MTUS1: variants seen among roughly 807,000 people sequenced by gnomAD.
The protein encoded by MTUS1 is microtubule-associated tumor suppressor 1.
MTUS1 carries 109 observed loss-of-function variants against 120.8 expected under a neutral mutation model. That is an observed-to-expected ratio of 0.90 (90% CI 0.77 to 1.06). The LOEUF (loss-of-function observed/expected upper bound fraction) is 1.06. MTUS1 is among the 50% of genes least tolerant of loss of function. MTUS1 has a pLI of 0.00. For missense variants in MTUS1, 2,210 were observed against 1,486.3 expected, an observed-to-expected ratio of 1.49 and a Z score of -8.01; for synonymous variants, 737 against 550.5, an observed-to-expected ratio of 1.34 and a Z score of -4.74.
At chr8:17,760,158 G>C (rs1311603740) in intron 1 of MTUS1, among the ~76,000 whole-genome samples, 2 of 151,204 alleles carry the variant, frequency 1.3e-5, no homozygotes, top group African/African-American at 4.9e-5. Flanking sequence ...CACAGCTGCA[G>C]TAAGCTATGA....
At chr8:17,757,227 C>T (rs1296213566) in intron 1 of MTUS1, among the ~76,000 whole-genome samples, 1 of 152,030 alleles carries the variant, frequency 6.6e-6, no homozygotes, top group Non-Finnish European at 1.5e-5. Flanking sequence ...GAAAGGAATG[C>T]AATATTGACA....
At chr8:17,656,421 G>A (rs541086209) in intron 8 of MTUS1, among the ~76,000 whole-genome samples, 1 of 151,946 alleles carries the variant, frequency 6.6e-6, no homozygotes, top group African/African-American at 2.4e-5. Context: ...CCAGCTACTC[G>A]GGAGGGTGAG....
chr8:17,762,202 T>G lies in MTUS1; in HGVS notation c.-154-6241A>C, dbSNP rs2049096533. Reference sequence around the variant, plus strand: ...GCTGAGGCAGGAGAATCACTGGAACTCAGGAGGCGGAGGTCGCAGTGAGCC... The same window carrying G: ...GCTGAGGCAGGAGAATCACTGGAACGCAGGAGGCGGAGGTCGCAGTGAGCC... On this transcript the variant is annotated intron_variant, in intron 1 of 14. Coordinates refer to ENST00000693296, the MANE Select transcript of MTUS1 (RefSeq NM_001363059.2). 2.6e-5 allele frequency among the ~76,000 whole-genome samples: 4 copies of G among 152,004 alleles called. No individual in the cohort carries two copies. The South Asian group carries it at 8.3e-4, about 32-fold the overall frequency.
At chr8:17,752,311 C>A (rs866531870) in intron 2 of MTUS1, among the ~76,000 whole-genome samples, 29 of 152,054 alleles carry the variant, frequency 1.9e-4, no homozygotes, top group Non-Finnish European at 2.6e-4. Flanking sequence ...CATCGTGTTT[C>A]TATGTATATC....
chr8:17,738,970 C>T (rs2904733), intron 3 of MTUS1, among the ~76,000 whole-genome samples: 21,580 of 151,360 alleles, frequency 0.14, 1,622 homozygotes, highest in Middle Eastern at 0.18. Flanking sequence ...GAGACCCCCC[C>T]ATCTCTACAA....
intron 8 of MTUS1, among the ~76,000 whole-genome samples, chr8:17,656,377 A>T (rs572111184): frequency 4.5e-4 from 69 of 151,934 alleles, no homozygotes; most frequent in African/African-American, 1.7e-3. Context: ...AAAATACAAA[A>T]ATTAGCCGGG....
At position 17,723,728 on chromosome 8, in the gene MTUS1, C is replaced by T; in HGVS notation, c.2393G>A (p.Gly798Glu). The change falls in exon 4 of 15, where the codon GGA becomes GAA. Residue 798 changes from glycine to glutamate, a missense_variant. Gly to Glu is a moderately conservative substitution (Grantham distance 98). Coordinates refer to ENST00000693296, the MANE Select transcript of MTUS1 (RefSeq NM_001363059.2). The stretch of plus-strand genomic sequence containing the variant: ...GGTGCTGGCTATTGAGGGGGTGCTT[C>T]CTGTCCTCCGCAGCGCAGGACTTTT... The part of the protein sequence containing the change: ...SLKSPALRRT[G>E]STPSIASTHS... 6.2e-7 allele frequency: 1 copy of T among 1,610,930 alleles called. No individual in the cohort carries two copies. Among genetic ancestry groups the T allele is most frequent in the African/African-American group, 1.3e-5 (1 of 74,952 alleles).
chr8:17,789,582 A>G (rs1427316189), intron 1 of MTUS1, among the ~76,000 whole-genome samples: 1 of 152,140 alleles, frequency 6.6e-6, no homozygotes, highest in African/African-American at 2.4e-5. Flanking sequence ...CCAACACCAA[A>G]TGGAAAATGT....
chr8:17,654,739 C>T, intron 9 of MTUS1, 73 bp from the exon 10 acceptor site: 1 of 1,013,090 alleles, frequency 9.9e-7, no homozygotes, highest in Non-Finnish European at 1.6e-6. Flanking sequence ...AAAGCAACCA[C>T]ATTAGGAGAC....
intron 7 of MTUS1, among the ~76,000 whole-genome samples, chr8:17,682,512 C>T (rs538349987): frequency 0.012 from 778 of 65,300 alleles, 10 homozygotes; most frequent in African/African-American, 0.038. Flanking sequence ...AGCAAGACTC[C>T]ATCCCAAAAA....
chr8:17,746,566 T>C (rs1473356651), intron 2 of MTUS1, among the ~76,000 whole-genome samples: 1 of 152,090 alleles, frequency 6.6e-6, no homozygotes, highest in East Asian at 1.9e-4. Flanking sequence ...TCAGATCTCA[T>C]GAGACTTACT....
intron 1 of MTUS1, among the ~76,000 whole-genome samples, chr8:17,783,241 G>A (rs764961107): frequency 3.3e-5 from 5 of 152,224 alleles, no homozygotes; most frequent in African/African-American, 4.8e-5. Flanking sequence ...CACCTGCCCA[G>A]TGAAGTCTCT....
intron 8 of MTUS1, among the ~76,000 whole-genome samples, chr8:17,669,270 G>A (rs56194504): frequency 0.13 from 19,626 of 152,200 alleles, 1,348 homozygotes; most frequent in South Asian, 0.17. Flanking sequence ...TAAAAACTGA[G>A]TAAAAGAGAA....
At position 17,755,363 on chromosome 8, in the gene MTUS1, C is replaced by A; in HGVS notation, c.445G>T (p.Ala149Ser). The A allele has an allele frequency of 6.2e-7, 1 of 1,614,158 alleles. No individual in the cohort carries two copies. The highest frequency in any genetic ancestry group is 1.1e-5 in the South Asian group (1 of 91,080). Reference protein sequence around the residue: ...VWKPNDNLNCAGYCDALELNQ... With the variant: ...VWKPNDNLNCSGYCDALELNQ... ...AGCTCCAAGGCATCACAGTAGCCTG[C>A]ACAGTTCAAATTGTCATTAGGCTTC... The change falls in exon 2 of 15, where the codon GCA (alanine) becomes TCA (serine). Residue 149 changes from alanine to serine, a missense_variant. By Grantham distance (99) the Ala-to-Ser change is moderately conservative (BLOSUM62 1). Transcript: ENST00000693296.
At chr8:17,700,281 C>T (rs957946873) in intron 6 of MTUS1, among the ~76,000 whole-genome samples, 4 of 151,630 alleles carry the variant, frequency 2.6e-5, no homozygotes, top group Non-Finnish European at 4.4e-5. Flanking sequence ...CCAGCCTGGC[C>T]AACATGGTGA....
chr8:17,788,981 T>A (rs2051537300), intron 1 of MTUS1, among the ~76,000 whole-genome samples: 2 of 151,958 alleles, frequency 1.3e-5, no homozygotes, highest in Non-Finnish European at 2.9e-5. Flanking sequence ...TCAAAGACTG[T>A]ACAGTTATGC....
chr8:17,648,814 G>A (rs1806363790), intron 13 of MTUS1, among the ~76,000 whole-genome samples: 1 of 152,230 alleles, frequency 6.6e-6, no homozygotes, highest in Non-Finnish European at 1.5e-5. Context: ...ACTCATCACT[G>A]TGGGGAGAAG....
At chr8:17,652,499 G>T (rs543530432) in intron 12 of MTUS1, among the ~76,000 whole-genome samples, 1 of 151,952 alleles carries the variant, frequency 6.6e-6, no homozygotes, top group African/African-American at 2.4e-5. Context: ...GAATTTGGGG[G>T]AATGGGGAGT....
At chr8:17,746,013 C>G (rs1369823689) in intron 2 of MTUS1, among the ~76,000 whole-genome samples, 1 of 152,202 alleles carries the variant, frequency 6.6e-6, no homozygotes, top group African/African-American at 2.4e-5. Flanking sequence ...TCTTCCTCCT[C>G]CTCCAGTCAT....
Sources: gnomAD v4.1 joint callset for allele counts (sites outside exome capture counted in the v4.1 genomes callset) on GRCh38, gnomAD v4.1.1 for gene constraint, MANE v1.5 for transcripts, NCBI Gene and HGNC (gene_info 2026-07-23, HGNC 2026-07-21) for gene names.